Variants in GRIN2A observed in about 807,000 individuals in gnomAD.
GRIN2A encodes glutamate ionotropic receptor NMDA type subunit 2A.
Under a neutral mutation model 113.4 loss-of-function variants are expected in GRIN2A, and 22 were observed. That is an observed-to-expected ratio of 0.19 (90% CI 0.14 to 0.28). The LOEUF is 0.28. GRIN2A is among the 10% of genes least tolerant of loss of function. The probability of loss-of-function intolerance (pLI) is 1.00; values close to 1 mark genes in which losing one functional copy is unlikely to be tolerated. For synonymous variants in GRIN2A, 827 were observed against 738.4 expected (o/e 1.12, Z -1.94); for missense variants, 1,502 against 1,887.0 (o/e 0.80, Z 3.78).
chr16:10,165,119 CA>C (rs1231220948), intron 2 of GRIN2A, among the ~76,000 whole-genome samples: 1 of 152,018 alleles, frequency 6.6e-6, no homozygotes, highest in Non-Finnish European at 1.5e-5. Flanking sequence ...AGATGTTAAA[CA>C]AGGTATTGGT....
chr16:9,832,106 A>ATTTG (rs1419027720), intron 8 of GRIN2A, among the ~76,000 whole-genome samples: 7 of 148,084 alleles, frequency 4.7e-5, no homozygotes, highest in African/African-American at 1.7e-4. Flanking sequence ...TTATTTATTT[A>ATTTG]TTTATTTATT....
intron 2 of GRIN2A, among the ~76,000 whole-genome samples, chr16:10,128,543 G>A (rs900500396): frequency 6.6e-6 from 1 of 152,182 alleles, no homozygotes; most frequent in Non-Finnish European, 1.5e-5. Context: ...GCCTTGGAAT[G>A]CAGAGGGCTC....
At chr16:10,135,878 T>C (rs796812651) in intron 2 of GRIN2A, among the ~76,000 whole-genome samples, 8 of 152,138 alleles carry the variant, frequency 5.3e-5, no homozygotes, top group African/African-American at 1.9e-4. Context: ...CAAAACACCT[T>C]CACAACCCAC....
intron 2 of GRIN2A, among the ~76,000 whole-genome samples, chr16:10,165,501 T>C (rs186574064): frequency 6.1e-4 from 80 of 131,072 alleles, no homozygotes; most frequent in African/African-American, 2.1e-3. Flanking sequence ...ATATTTTTGA[T>C]ATATATATAC....
intron 2 of GRIN2A, among the ~76,000 whole-genome samples, chr16:10,030,161 T>A (rs1287850528): frequency 6.9e-6 from 1 of 144,444 alleles, no homozygotes; most frequent in African/African-American, 2.6e-5. Context: ...GCGTTTCAAA[T>A]CATCTTCACG....
At chr16:10,108,849 A>G (rs553353920) in intron 2 of GRIN2A, among the ~76,000 whole-genome samples, 1 of 152,294 alleles carries the variant, frequency 6.6e-6, no homozygotes, top group African/African-American at 2.4e-5. Context: ...ATAATTACAC[A>G]TAGACCTGAG....
chr16:10,071,448 G>C lies in GRIN2A; in HGVS notation c.414+108550C>G, dbSNP rs542462569. Among the ~76,000 whole-genome samples, 7 of 152,288 alleles carry C rather than the reference G, an allele frequency of 4.6e-5. No individual in the cohort carries two copies. In the South Asian group the frequency reaches 1.5e-3, roughly 32 times the overall value. On this transcript the variant is annotated intron_variant, in intron 2 of 12. Coordinates refer to ENST00000330684, the MANE Select transcript of GRIN2A (RefSeq NM_001134407.3). ...GCCATGAATCTTGTTAAGAATTTGG[G>C]CATGTATCTCTTCTGGTTGTCCTGA...
At chr16:9,863,192 T>A (rs1399539268) in intron 4 of GRIN2A, among the ~76,000 whole-genome samples, 1 of 152,050 alleles carries the variant, frequency 6.6e-6, no homozygotes, top group African/African-American at 2.4e-5. Context: ...ACATGAGCAG[T>A]TTGGTTTCTT....
chr16:10,039,822 A>AGAGAGAGAGG (rs2047117062), intron 2 of GRIN2A, among the ~76,000 whole-genome samples: 1 of 128,284 alleles, frequency 7.8e-6, no homozygotes, highest in African/African-American at 2.9e-5. Flanking sequence ...AAAGAGAGAG[A>AGAGAGAGAGG]GAGAGAGAGA....
At chr16:10,141,686 A>C (rs56356769) in intron 2 of GRIN2A, among the ~76,000 whole-genome samples, 3,651 of 152,246 alleles carry the variant, frequency 0.024, 142 homozygotes, top group African/African-American at 0.084. Flanking sequence ...AGACCTTTTC[A>C]TATATTTCTG....
chr16:9,775,040 A>G (rs890152638), intron 11 of GRIN2A, among the ~76,000 whole-genome samples: 2 of 152,202 alleles, frequency 1.3e-5, no homozygotes, highest in Non-Finnish European at 2.9e-5. Flanking sequence ...GTTTTTGGGA[A>G]TGGATTTTAT....
chr16:9,887,521 A>C (rs1471343346), intron 4 of GRIN2A, among the ~76,000 whole-genome samples: 1 of 152,188 alleles, frequency 6.6e-6, no homozygotes, highest in Non-Finnish European at 1.5e-5. Flanking sequence ...TGTTGTACAT[A>C]TTACTAGGCC....
intron 2 of GRIN2A, among the ~76,000 whole-genome samples, chr16:10,071,581 G>C (rs2047751129): frequency 6.6e-6 from 1 of 152,196 alleles, no homozygotes; most frequent in African/African-American, 2.4e-5. Context: ...TGTGCCTATA[G>C]AAAGGGATTG....
intron 2 of GRIN2A, chr16:10,171,458 C>G (rs1168007729): frequency 6.6e-6 from 1 of 152,214 alleles, no homozygotes; most frequent in Non-Finnish European, 1.5e-5. Flanking sequence ...ATGAGATAGT[C>G]TTCTCCTGCG....
rs1900374681 is a variant in GRIN2A at position 9,757,019 on chromosome 16, A to G, written c.*6130T>C. 2.0e-5 allele frequency: 4 copies of G among 200,196 alleles called. No homozygotes were observed. In the East Asian group the frequency reaches 2.3e-4, roughly 12 times the overall value. 12.4% of individuals were successfully genotyped at this position (200,196 alleles called of 1,614,324 possible). A position where few individuals can be genotyped will look rare whatever the true frequency, so the allele number is the denominator to read the frequency against. On this transcript the variant is annotated 3_prime_UTR_variant, in exon 13 of 13. Coordinates refer to ENST00000330684, the MANE Select transcript of GRIN2A (RefSeq NM_001134407.3). ...CCTGGTGTATCAGAAGGGTTCTTCAAATGTCAAAAACAAAACCAAACAAAA... is the reference window on the plus strand; with the variant it reads ...CCTGGTGTATCAGAAGGGTTCTTCAGATGTCAAAAACAAAACCAAACAAAA...
Position 10,180,215 on chromosome 16 carries a change from T to A in GRIN2A, c.197A>T (p.Asp66Val). 6.2e-7 allele frequency: 1 copy of A among 1,614,102 alleles called. No individual in the cohort carries two copies. Among genetic ancestry groups the A allele is most frequent in the Non-Finnish European group, 8.5e-7 (1 of 1,180,038 alleles). ...GPEQAAGLPL[D>V]VNVVALLMNR... Reference sequence around the variant, plus strand: ...CATCAGCAGAGCTACCACGTTCACGTCCAGGGGCAGCCCCGCCGCCTGCTC... The same window carrying A: ...CATCAGCAGAGCTACCACGTTCACGACCAGGGGCAGCCCCGCCGCCTGCTC... Residue 66 changes from aspartate (D) to valine (V), a missense_variant, in exon 2 of 13, where the codon GAC (aspartate) becomes GTC (valine). Around this residue, in one of 7 missense-constraint regions of GRIN2A, gnomAD observed 149 missense variants for 179.1 expected, o/e 0.83. Transcript: ENST00000330684. The surrounding 1 kb of genome is among the most constrained non-coding windows in gnomAD (Gnocchi z 7.0).
intron 2 of GRIN2A, among the ~76,000 whole-genome samples, chr16:10,062,523 C>G (rs1026732719): frequency 3.9e-5 from 6 of 152,114 alleles, no homozygotes; most frequent in South Asian, 2.1e-4. Context: ...TTTTCACAAG[C>G]TTTCCAGGTG....
chr16:10,143,888 C>T (rs903717313), intron 2 of GRIN2A, among the ~76,000 whole-genome samples: 2 of 152,106 alleles, frequency 1.3e-5, no homozygotes, highest in Non-Finnish European at 2.9e-5. Flanking sequence ...ATTGCTTGAG[C>T]TCAGGAGATG....
intron 5 of GRIN2A, among the ~76,000 whole-genome samples, chr16:9,844,023 G>A (rs939309991): frequency 6.6e-6 from 1 of 152,078 alleles, no homozygotes; most frequent in African/African-American, 2.4e-5. Context: ...GCCATGCACT[G>A]ATGCCCTTTC....
Sources: gnomAD v4.1 joint callset for allele counts (sites outside exome capture counted in the v4.1 genomes callset) on GRCh38, gnomAD v4.1.1 for gene constraint, gnomAD v4.1.1 regional missense constraint, Gnocchi (gnomAD v3.1) non-coding constraint, MANE v1.5 for transcripts, NCBI Gene and HGNC (gene_info 2026-07-23, HGNC 2026-07-21) for gene names.